The following PCDHA7 variants were observed in gnomAD, a reference collection of about 807,000 sequenced individuals.
The protein encoded by PCDHA7 is protocadherin alpha-7.
Under a neutral mutation model 57.2 loss-of-function variants are expected in PCDHA7, and 37 were observed. The observed-to-expected ratio is 0.65, with a 90% CI of 0.50 to 0.85. The LOEUF (loss-of-function observed/expected upper bound fraction) is 0.85, where lower values mean the gene tolerates loss of function less well. PCDHA7 is among the 40% of genes least tolerant of loss of function. PCDHA7 has a pLI of 0.00. For synonymous variants in PCDHA7, 553 were observed against 558.8 expected (o/e 0.99, Z 0.15); for missense variants, 1,188 against 1,241.8 (o/e 0.96, Z 0.65).
chr5:140,865,903 ATCTT>A (rs1453140496), intron 1 of PCDHA7: 10 of 152,252 alleles, frequency 6.6e-5, no homozygotes, highest in African/African-American at 1.9e-4. Flanking sequence ...GTACAGGCAA[ATCTT>A]TCTTTCTGTT....
chr5:140,984,882 A>G (rs1456658089), intron 3 of PCDHA7, among the ~76,000 whole-genome samples: 3 of 152,150 alleles, frequency 2.0e-5, no homozygotes, highest in African/African-American at 7.2e-5. Context: ...AGTTACCATG[A>G]GAACTAAAGG....
chr5:140,989,575 G>A (rs2097349164), intron 3 of PCDHA7, among the ~76,000 whole-genome samples: 3 of 152,210 alleles, frequency 2.0e-5, no homozygotes. Flanking sequence ...GGCAAGCCCT[G>A]TCCTCAGCCT....
intron 1 of PCDHA7, chr5:140,928,020 T>G: frequency 1.2e-6 from 2 of 1,614,182 alleles, no homozygotes; most frequent in Middle Eastern, 1.6e-4. Context: ...GTAGGGTCAT[T>G]TGTGGCATGT....
intron 1 of PCDHA7, chr5:140,877,743 G>A: frequency 6.2e-7 from 1 of 1,614,148 alleles, no homozygotes; most frequent in Non-Finnish European, 8.5e-7. Context: ...GGAGGCAGAG[G>A]GTGTGCTCTG....
intron 1 of PCDHA7, among the ~76,000 whole-genome samples, chr5:140,912,582 T>C (rs2075986919): frequency 6.6e-6 from 1 of 152,214 alleles, no homozygotes. Context: ...TTTTCCAATT[T>C]GGATGCCCTT....
intron 1 of PCDHA7, among the ~76,000 whole-genome samples, chr5:140,958,710 A>G (rs1446140877): frequency 1.3e-5 from 2 of 152,210 alleles, no homozygotes; most frequent in Non-Finnish European, 2.9e-5. Flanking sequence ...CAACTCTGTT[A>G]TAATAAATGT....
rs142945176 is a variant in PCDHA7 at position 140,835,679 on chromosome 5, G to T, written c.1296G>T (p.Ser432=). 2.3e-4 allele frequency: 379 copies of T among 1,613,738 alleles called. 3 individuals are homozygous for T. Among genetic ancestry groups the T allele is most frequent in the Non-Finnish European group, 3.0e-4 (359 of 1,179,882 alleles). The change falls in exon 1 of 4, where the codon TCG becomes TCT. Residue 432 remains serine (S), a synonymous_variant. Transcript: ENST00000525929. ...TGGTTACCGCGCGGGACGGGGGCTC[G>T]CCTTCTCTGTGGGCCACTGCTAGCG... ...ELVVTARDGG[S]PSLWATASVS...
chr5:140,969,704 T>G (rs1317094729), intron 1 of PCDHA7, among the ~76,000 whole-genome samples: 10 of 152,172 alleles, frequency 6.6e-5, no homozygotes, highest in African/African-American at 2.4e-4. Flanking sequence ...TGCTGTATCA[T>G]CTACAGGGAA....
At chr5:140,881,075 G>A (rs2058577107) in intron 1 of PCDHA7, among the ~76,000 whole-genome samples, 1 of 152,202 alleles carries the variant, frequency 6.6e-6, no homozygotes, top group African/African-American at 2.4e-5. Context: ...AATTATTGGA[G>A]CTATGATATA....
rs1386589487 is a variant in PCDHA7 at position 140,876,579 on chromosome 5, T to C, written c.2355+39841T>C. ...AGGATGCTCAGGTGGGTACCGTCAT[T>C]GCCCTGATTAGCGTGTCGGATCGTG... On this transcript the variant is annotated intron_variant, in intron 1 of 3. Coordinates refer to ENST00000525929, the MANE Select transcript of PCDHA7 (RefSeq NM_018910.3). 5 of 1,614,104 alleles carry C rather than the reference T, an allele frequency of 3.1e-6. No homozygotes were observed. In the African/African-American group the frequency reaches 5.3e-5, roughly 17 times the overall value.
At chr5:140,853,895 TG>T in intron 1 of PCDHA7, 1 of 971,706 alleles carries the variant, frequency 1.0e-6, no homozygotes, top group Non-Finnish European at 1.2e-6. Flanking sequence ...TAAAAAGATG[TG>T]GTGGCCTGAC....
chr5:141,010,202 G>A lies in PCDHA7; in HGVS notation c.*265G>A, dbSNP rs1354578914. The A allele has an allele frequency of 2.5e-5, 39 of 1,551,826 alleles. No homozygotes were observed. The highest frequency in any genetic ancestry group is 3.1e-5 in the Non-Finnish European group (36 of 1,147,058). On this transcript the variant is annotated 3_prime_UTR_variant, in exon 4 of 4. Transcript: ENST00000525929. ...CAGACCCAAGTTTCCTTTCTCCTCCGCCGCAAAGGAGAGGCTTCCCAGCCC... is the reference window on the plus strand; with the variant it reads ...CAGACCCAAGTTTCCTTTCTCCTCCACCGCAAAGGAGAGGCTTCCCAGCCC...
At chr5:140,877,007 C>T in intron 1 of PCDHA7, 2 of 1,612,430 alleles carry the variant, frequency 1.2e-6, no homozygotes, top group Non-Finnish European at 1.7e-6. Context: ...TCGGTGCACG[C>T]GGAGAGCGGC....
At chr5:140,998,591 T>A (rs2097823979) in intron 3 of PCDHA7, among the ~76,000 whole-genome samples, 1 of 150,884 alleles carries the variant, frequency 6.6e-6, no homozygotes, top group Non-Finnish European at 1.5e-5. Context: ...TGAGACAGAG[T>A]TTTGCTCTTG....
chr5:141,005,731 A>AAAAAAG (rs2098235322), intron 3 of PCDHA7, among the ~76,000 whole-genome samples: 2 of 149,106 alleles, frequency 1.3e-5, no homozygotes, highest in East Asian at 1.9e-4. Flanking sequence ...AAAAAAAAAA[A>AAAAAAG]GAATGGATGA....
chr5:140,876,819 C>G (rs781959784), intron 1 of PCDHA7: 4 of 1,614,180 alleles, frequency 2.5e-6, no homozygotes, highest in Non-Finnish European at 3.4e-6. Context: ...CCGACGTGAA[C>G]GACAATGCGC....
At chr5:140,957,339 TGAGA>T (rs2095352193) in intron 1 of PCDHA7, among the ~76,000 whole-genome samples, 1 of 152,152 alleles carries the variant, frequency 6.6e-6, no homozygotes, top group African/African-American at 2.4e-5. Context: ...TAAGATATTT[TGAGA>T]GAGAGACCAC....
rs1466426021 is a variant in PCDHA7 at position 140,917,334 on chromosome 5, G to C, written c.2356-61615G>C. On this transcript the variant is annotated intron_variant, in intron 1 of 3. Transcript: ENST00000525929. ...TTGGTGTTCATGTGGCGGGGGAGGG[G>C]GGGGATGGTGTAGGCTTCTGTTCCA... Among the ~76,000 whole-genome samples the C allele has an allele frequency of 4.7e-5, 7 of 147,744 alleles. 2 individuals carry two copies. The highest frequency in any genetic ancestry group is 1.4e-4 in the Admixed American group (2 of 14,792).
intron 3 of PCDHA7, among the ~76,000 whole-genome samples, chr5:140,992,102 G>A (rs1205417295): frequency 6.6e-6 from 1 of 150,914 alleles, no homozygotes; most frequent in Non-Finnish European, 1.5e-5. Context: ...AGAGAATTAA[G>A]GTGAGATGTG....
Sources: allele counts gnomAD v4.1 joint callset (sites outside exome capture counted in the v4.1 genomes callset), GRCh38; gene constraint gnomAD v4.1.1; transcripts MANE v1.5; gene names NCBI Gene and HGNC (gene_info 2026-07-23, HGNC 2026-07-21).